The following ARL1 variants were observed in gnomAD, a reference collection of about 807,000 sequenced individuals.
ARL1 encodes ADP-ribosylation factor-like protein 1.
In ARL1, 17 loss-of-function variants were observed where a neutral mutation model predicts 30.1. The ratio of observed to expected loss-of-function variants is 0.56; its 90% CI spans 0.39 to 0.85. The LOEUF is 0.85. Among genes scored for constraint, ARL1 ranks in the 40% least tolerant of loss-of-function variants. The pLI is 0.00. For missense variants in ARL1, 102 were observed against 212.6 expected, an observed-to-expected ratio of 0.48 and a Z score of 3.24; for synonymous variants, 58 against 71.7, an observed-to-expected ratio of 0.81 and a Z score of 0.97.
chr12:101,396,994 A>G lies in ARL1; in HGVS notation c.337-417T>C, dbSNP rs974545054. Among the ~76,000 whole-genome samples, 10 of 152,302 alleles carry G rather than the reference A, an allele frequency of 6.6e-5. No individual in the cohort carries two copies. In the East Asian group the frequency reaches 9.6e-4, roughly 15 times the overall value. On this transcript the variant is annotated intron_variant, in intron 4 of 5. Transcript: ENST00000261636. ...GCATGCACCATAAACTGTGTTAACT[A>G]TTTTCTAGTATCTGACTCTTATTAG...
At position 101,394,062 on chromosome 12, in the gene ARL1, A is replaced by G. The variant is rs1292779860; in HGVS notation, c.*1578T>C. On this transcript the variant is annotated 3_prime_UTR_variant, in exon 6 of 6. Transcript: ENST00000261636. ...TACTGGAACATTTGTAGCTGAAGGA[A>G]AATCTCCAAAAAAGATTTCAAAGAG... 1 of 151,934 alleles carries G rather than the reference A, an allele frequency of 6.6e-6. No individual in the cohort carries two copies. The highest frequency in any genetic ancestry group is 1.5e-5 in the Non-Finnish European group (1 of 68,012). The allele number at this position is 151,934 out of a possible 1,614,324, so 9.4% of individuals were successfully genotyped here.
At chr12:101,403,863 T>C (rs891667770) in intron 2 of ARL1, among the ~76,000 whole-genome samples, 1 of 152,040 alleles carries the variant, frequency 6.6e-6, no homozygotes, top group Non-Finnish European at 1.5e-5. Flanking sequence ...TGGAGGCTGA[T>C]GCATGAGAAT....
chr12:101,404,098 T>C (rs1372276378), intron 2 of ARL1, among the ~76,000 whole-genome samples: 3 of 152,202 alleles, frequency 2.0e-5, no homozygotes, highest in African/African-American at 7.2e-5. Flanking sequence ...ATAACAATAC[T>C]ATGACAAATT....
chr12:101,398,663 C>A (rs978895997), intron 4 of ARL1, among the ~76,000 whole-genome samples: 1 of 151,988 alleles, frequency 6.6e-6, no homozygotes, highest in Non-Finnish European at 1.5e-5. Context: ...GTCTCAAACT[C>A]CTGACCTGAA....
intron 3 of ARL1, among the ~76,000 whole-genome samples, chr12:101,401,988 C>T (rs888380607): frequency 1.3e-5 from 2 of 151,358 alleles, no homozygotes; most frequent in African/African-American, 4.9e-5. Flanking sequence ...GGAGGCTGCA[C>T]AATTTAAAAA....
At chr12:101,397,643 G>T (rs569677102) in intron 4 of ARL1, among the ~76,000 whole-genome samples, 1 of 152,038 alleles carries the variant, frequency 6.6e-6, no homozygotes, top group South Asian at 2.1e-4. Flanking sequence ...GGGACTACAG[G>T]TGCCCGCTGC....
At position 101,393,355 on chromosome 12, in the gene ARL1, GA is replaced by G. The variant is rs1454175549; in HGVS notation, c.*2284del. 6.6e-6 allele frequency: 1 copy of G among 151,864 alleles called. No individual in the cohort carries two copies. The highest frequency in any genetic ancestry group is 2.4e-5 in the African/African-American group (1 of 41,300). 9.4% of individuals were successfully genotyped at this position (151,864 alleles called of 1,614,324 possible). A position where few individuals can be genotyped will look rare whatever the true frequency, so the allele number is the denominator to read the frequency against. Reference sequence around the variant, plus strand: ...CAAGACACAACACAATCATAGGCCAGAGTTATAAAATACAATGTTAGAAAGA... The same window carrying G: ...CAAGACACAACACAATCATAGGCCAGGTTATAAAATACAATGTTAGAAAGA... On this transcript the variant is annotated 3_prime_UTR_variant, in exon 6 of 6. Coordinates refer to ENST00000261636, the MANE Select transcript of ARL1 (RefSeq NM_001177.6).
At position 101,407,753 on chromosome 12, in the gene ARL1, G is replaced by T. The variant is rs1367129955; in HGVS notation, c.-108C>A. On this transcript the variant is annotated 5_prime_UTR_variant, in exon 1 of 6. Transcript: ENST00000261636. ...CCAGTCAGCCAGCAACTTCCACGTCGGACTCCAGGCGGGGGCGGGAGCGAG... is the reference window on the plus strand; with the variant it reads ...CCAGTCAGCCAGCAACTTCCACGTCTGACTCCAGGCGGGGGCGGGAGCGAG... 22 of 1,525,878 alleles carry T rather than the reference G, an allele frequency of 1.4e-5. No homozygotes were observed. In the South Asian group the frequency reaches 1.5e-4, roughly 10 times the overall value. 94.5% of individuals were successfully genotyped at this position (1,525,878 alleles called of 1,614,324 possible).
Position 101,401,084 on chromosome 12 carries a change from G to C in ARL1, c.314C>G (p.Ser105Ter). Residue 105 changes from serine to a stop codon, truncating the protein, a stop_gained, in exon 4 of 6, where the codon TCA becomes TGA. Transcript: ENST00000261636. LOFTEE classifies it high-confidence loss of function. ...TACCTCCAACATGGCAACTAACTCTGATTTGGAAATGCCAATTCGGTCTCG... is the reference window on the plus strand; with the variant it reads ...TACCTCCAACATGGCAACTAACTCTCATTTGGAAATGCCAATTCGGTCTCG... The part of the protein sequence containing the change: ...CDRDRIGISK[S>*]ELVAMLEEEE... 1 of 1,613,448 alleles carries C rather than the reference G, an allele frequency of 6.2e-7. No individual in the cohort carries two copies. Among genetic ancestry groups the C allele is most frequent in the Non-Finnish European group, 8.5e-7 (1 of 1,179,530 alleles).
chr12:101,407,608 G>C, intron 1 of ARL1, 34 bp downstream of exon 1: 1 of 1,608,238 alleles, frequency 6.2e-7, no homozygotes, highest in South Asian at 1.1e-5. Flanking sequence ...CGGCTCCCTC[G>C]AGCGCGCCCA....
chr12:101,397,275 T>C (rs1240795778), intron 4 of ARL1, among the ~76,000 whole-genome samples: 3 of 152,182 alleles, frequency 2.0e-5, no homozygotes, highest in Non-Finnish European at 2.9e-5. Flanking sequence ...AAACATAGCA[T>C]CTCATTATAT....
In ARL1 at chr12:101,395,176, A is replaced by G. The variant is rs1362893980; in HGVS notation, c.*464T>C. 6.5e-6 allele frequency: 1 copy of G among 153,294 alleles called. No individual in the cohort carries two copies. The allele number at this position is 153,294 out of a possible 1,614,324, so 9.5% of individuals were successfully genotyped here. A position where few individuals can be genotyped will look rare whatever the true frequency, so the allele number is the denominator to read the frequency against. On this transcript the variant is annotated 3_prime_UTR_variant, in exon 6 of 6. Coordinates refer to ENST00000261636, the MANE Select transcript of ARL1 (RefSeq NM_001177.6). ...ATAAAAAGTGGTCAGGTAAGCAAAT[A>G]AAGATTATATTACACAAACTATGTT...
chr12:101,407,749 C>G lies in ARL1; in HGVS notation c.-104G>C. The G allele has an allele frequency of 6.5e-7, 1 of 1,540,226 alleles. No individual in the cohort carries two copies. The highest frequency in any genetic ancestry group is 8.9e-7 in the Non-Finnish European group (1 of 1,121,128). ...AAGCCCAGTCAGCCAGCAACTTCCA[C>G]GTCGGACTCCAGGCGGGGGCGGGAG... On this transcript the variant is annotated 5_prime_UTR_variant, in exon 1 of 6. Coordinates refer to ENST00000261636, the MANE Select transcript of ARL1 (RefSeq NM_001177.6).
At chr12:101,396,673 A>C in intron 4 of ARL1, 96 bp from the exon 5 acceptor site, 2 of 892,336 alleles carry the variant, frequency 2.2e-6, no homozygotes, top group South Asian at 3.7e-5. Context: ...GTATTTTATA[A>C]TTAATATATT....
At chr12:101,401,880 A>G (rs1871314613) in intron 3 of ARL1, among the ~76,000 whole-genome samples, 1 of 152,110 alleles carries the variant, frequency 6.6e-6, no homozygotes, top group Non-Finnish European at 1.5e-5. Flanking sequence ...TTTAACAGTC[A>G]TGAAATTAAT....
chr12:101,402,998 C>A, intron 2 of ARL1, 52 bp from the exon 3 acceptor site: 1 of 1,203,150 alleles, frequency 8.3e-7, no homozygotes, highest in Non-Finnish European at 1.2e-6. Context: ...ATTCCACCTT[C>A]AAAATATCCT....
At chr12:101,396,376 G>A in intron 5 of ARL1, 23 bp downstream of exon 5, 1 of 1,613,936 alleles carries the variant, frequency 6.2e-7, no homozygotes, top group South Asian at 1.1e-5. Context: ...TGCACAGATG[G>A]CTTCTGGAAG....
chr12:101,402,950 G>A lies in ARL1; in HGVS notation c.143-4C>T. On this transcript the variant is annotated splice_region_variant and splice_polypyrimidine_tract_variant and intron_variant, in intron 2 of 5. Transcript: ENST00000261636. ...GTCTCTACATTAAATCCAATGGCTG[G>A]AAGAGAAATCAAATCAGTGGTATGT... 6.2e-7 allele frequency: 1 copy of A among 1,609,506 alleles called. No individual in the cohort carries two copies. Among genetic ancestry groups the A allele is most frequent in the Non-Finnish European group, 8.5e-7 (1 of 1,176,460 alleles).
Position 101,395,519 on chromosome 12 carries a change from T to C in ARL1, c.*121A>G. 1.4e-6 allele frequency: 1 copy of C among 711,176 alleles called. No homozygotes were observed. Among genetic ancestry groups the C allele is most frequent in the Non-Finnish European group, 2.3e-6 (1 of 435,836 alleles). 44.1% of individuals were successfully genotyped at this position (711,176 alleles called of 1,614,324 possible). On this transcript the variant is annotated 3_prime_UTR_variant, in exon 6 of 6. Coordinates refer to ENST00000261636, the MANE Select transcript of ARL1 (RefSeq NM_001177.6). ...TCCCTATTTACTACAAATATTGCAG[T>C]CAGTCAGTATATGCCAATAATCATA...
Sources: gnomAD v4.1 joint callset for allele counts (sites outside exome capture counted in the v4.1 genomes callset) on GRCh38, gnomAD v4.1.1 for gene constraint, MANE v1.5 for transcripts, NCBI Gene and HGNC (gene_info 2026-07-23, HGNC 2026-07-21) for gene names.